Variants in EBF4 observed in about 807,000 individuals in gnomAD.
EBF4 encodes the protein transcription factor COE4.
Under a neutral mutation model 67.1 loss-of-function variants are expected in EBF4, and 34 were observed. The ratio of observed to expected loss-of-function variants is 0.51; its 90% CI spans 0.39 to 0.67. The LOEUF is 0.67. Ranked by LOEUF, EBF4 falls within the 30% of genes least tolerant of loss-of-function variation. The pLI is 0.00. For synonymous variants in EBF4, 387 were observed against 377.7 expected (o/e 1.02, Z -0.29); for missense variants, 837 against 873.3 (o/e 0.96, Z 0.52).
At chr20:2,749,483 A>G in exon 8 of EBF4, 2 of 1,548,722 alleles carry the variant, frequency 1.3e-6, no homozygotes, top group African/African-American at 1.4e-5. Flanking sequence ...AACTCCAAGC[A>G]TGGCCGCAGG....
chr20:2,745,770 G>A lies in EBF4; in HGVS notation c.558-2779G>A, dbSNP rs895840515. 6.6e-6 allele frequency among the ~76,000 whole-genome samples: 1 copy of A among 152,166 alleles called. No individual in the cohort carries two copies. Among genetic ancestry groups the A allele is most frequent in the Non-Finnish European group, 1.5e-5 (1 of 68,024 alleles). On this transcript the variant is annotated intron_variant, in intron 6 of 16. Coordinates refer to ENST00000609451, the Ensembl canonical transcript of EBF4. This position sits in a 1 kb window ranked among gnomAD's most constrained non-coding sequence, Gnocchi z 5.2. ...CTACTCTCCCTTCATGGGTGTGGAAGGATTTACCTACCCCGGGTCATGCAG... is the reference window on the plus strand; with the variant it reads ...CTACTCTCCCTTCATGGGTGTGGAAAGATTTACCTACCCCGGGTCATGCAG...
chr20:2,750,097 C>T (rs776496667), intron 10 of EBF4, 124 bp downstream of exon 10: 10 of 1,377,130 alleles, frequency 7.3e-6, no homozygotes, highest in Non-Finnish European at 9.5e-6. Context: ...GACCCCTAGA[C>T]GGCCCCGGGC....
intron 6 of EBF4, among the ~76,000 whole-genome samples, chr20:2,744,091 T>A (rs112532249): frequency 0.048 from 7,208 of 151,486 alleles, 251 homozygotes; most frequent in Middle Eastern, 0.082. Flanking sequence ...TTTATTTTTT[T>A]TTTTTTGAGA....
At position 2,748,548 on chromosome 20, in the gene EBF4, G is replaced by T; in HGVS notation, c.558-1G>T. ...TGAGCCCACCGACCACACTGTTTCA[G>T]GTTCTTCCTCAAGTTCTTCCTCAAA... On this transcript the variant is annotated splice_acceptor_variant, in intron 6 of 16. Coordinates refer to ENST00000609451, the Ensembl canonical transcript of EBF4. LOFTEE classifies it high-confidence loss of function. 2 of 1,551,500 alleles carry T rather than the reference G, an allele frequency of 1.3e-6. No individual in the cohort carries two copies. The highest frequency in any genetic ancestry group is 1.2e-5 in the South Asian group (1 of 84,054).
intron 6 of EBF4, among the ~76,000 whole-genome samples, chr20:2,720,772 A>G (rs6051332): frequency 0.36 from 54,638 of 152,024 alleles, 11,589 homozygotes; most frequent in African/African-American, 0.6. Flanking sequence ...ATTTCCATCC[A>G]GTATCAATTT....
chr20:2,700,967 G>A (rs1290740307), intron 1 of EBF4, among the ~76,000 whole-genome samples: 2 of 152,202 alleles, frequency 1.3e-5, no homozygotes, highest in Non-Finnish European at 2.9e-5. Context: ...AGCCTGGCAG[G>A]GCTATGAACA....
chr20:2,709,463 G>C, intron 5 of EBF4, 111 bp from the exon 6 acceptor site: 2 of 1,024,708 alleles, frequency 2.0e-6, no homozygotes, highest in Middle Eastern at 2.3e-4. Flanking sequence ...TCCACACCCA[G>C]AGACAGGACA....
chr20:2,705,758 G>A (rs2087444912), intron 2 of EBF4, 25 bp downstream of exon 2: 1 of 1,522,868 alleles, frequency 6.6e-7, no homozygotes, highest in East Asian at 2.5e-5. Context: ...GGCTTGGCTG[G>A]GACTGGCCCC....
chr20:2,759,947 CTG>C (rs984762579), downstream of EBF4: 1 of 152,352 alleles, frequency 6.6e-6, no homozygotes, highest in Non-Finnish European at 1.5e-5. Flanking sequence ...CTCATGGACT[CTG>C]GCCCCACACA....
intron 6 of EBF4, among the ~76,000 whole-genome samples, chr20:2,716,302 A>G (rs144229347): frequency 0.089 from 13,423 of 150,882 alleles, 1,602 homozygotes; most frequent in African/African-American, 0.27. Flanking sequence ...CGAGGCGGGC[A>G]GATCACCGGA....
chr20:2,759,126 C>G (rs2088288472), intron 16 of EBF4, 142 bp downstream of exon 16: 1 of 813,436 alleles, frequency 1.2e-6, no homozygotes. Flanking sequence ...GTCTTCCTCC[C>G]CGGGGCCCAT....
In EBF4 at chr20:2,749,611, G is replaced by A; in HGVS notation, c.758-9G>A. On this transcript the variant is annotated splice_polypyrimidine_tract_variant and intron_variant, in intron 8 of 16. Transcript: ENST00000609451. The stretch of plus-strand genomic sequence containing the variant: ...GGTCCCCTGACCTGGGTCCTCTCCT[G>A]CCTCCCAGCTGCCACCCCCTGCATC... 6.4e-7 allele frequency: 1 copy of A among 1,553,500 alleles called. No homozygotes were observed. Among genetic ancestry groups the A allele is most frequent in the Non-Finnish European group, 8.7e-7 (1 of 1,149,032 alleles).
At chr20:2,760,078 G>C (rs917448726), downstream of EBF4, 2 of 152,224 alleles carry the variant, frequency 1.3e-5, no homozygotes, top group Non-Finnish European at 1.5e-5. The surrounding 1 kb of genome is among the most constrained non-coding windows in gnomAD (Gnocchi z 4.2). Context: ...GGTGGTGCCC[G>C]CCCGGCCTCT....
At chr20:2,736,467 G>A (rs1200105902) in intron 6 of EBF4, among the ~76,000 whole-genome samples, 1 of 152,152 alleles carries the variant, frequency 6.6e-6, no homozygotes, top group Non-Finnish European at 1.5e-5. Context: ...CTAATCCACT[G>A]GTCAATGCAA....
Position 2,707,997 on chromosome 20 carries a change from G to T in EBF4, c.465G>T (p.Leu155=). 6.2e-7 allele frequency: 1 copy of T among 1,609,180 alleles called. No homozygotes were observed. The highest frequency in any genetic ancestry group is 8.5e-7 in the Non-Finnish European group (1 of 1,177,438). Reference sequence around the variant, plus strand: ...AGAACCCCGAAATGTGCCGAGTGCTGCTCACCCATGAGATCATGTGCAGGT... The same window carrying T: ...AGAACCCCGAAATGTGCCGAGTGCTTCTCACCCATGAGATCATGTGCAGGT... The change falls in exon 5 of 17, where the codon CTG becomes CTT. Residue 155 remains leucine (L), a synonymous_variant. Transcript: ENST00000609451. The surrounding 1 kb of genome is among the most constrained non-coding windows in gnomAD (Gnocchi z 4.6).
intron 6 of EBF4, among the ~76,000 whole-genome samples, chr20:2,719,446 T>C (rs2087650991): frequency 6.6e-6 from 1 of 152,214 alleles, no homozygotes; most frequent in South Asian, 2.1e-4. Flanking sequence ...AGCTAATTTT[T>C]GTATTTTTGT....
At chr20:2,722,981 CT>C (rs1393806895) in intron 6 of EBF4, among the ~76,000 whole-genome samples, 1 of 152,158 alleles carries the variant, frequency 6.6e-6, no homozygotes, top group African/African-American at 2.4e-5. Context: ...TCAAGTCTAT[CT>C]TTACTTATAA....
chr20:2,749,864 C>T, exon 10 of EBF4: 1 of 1,550,770 alleles, frequency 6.4e-7, no homozygotes, highest in Non-Finnish European at 8.7e-7. Flanking sequence ...CGCCCCACGC[C>T]ATCCGGGTGC....
At chr20:2,720,072 T>C (rs1239440241) in intron 6 of EBF4, among the ~76,000 whole-genome samples, 1 of 152,228 alleles carries the variant, frequency 6.6e-6, no homozygotes, top group Non-Finnish European at 1.5e-5. Context: ...CATTGTTAGG[T>C]ACATGGATGT....
Sources: gnomAD v4.1 joint callset for allele counts (sites outside exome capture counted in the v4.1 genomes callset) on GRCh38, gnomAD v4.1.1 for gene constraint, Gnocchi (gnomAD v3.1) non-coding constraint, MANE v1.5 for transcripts, NCBI Gene and HGNC (gene_info 2026-07-23, HGNC 2026-07-21) for gene names.